The following SPRED1 variants were observed in gnomAD, a reference collection of about 807,000 sequenced individuals.
SPRED1 encodes sprouty-related, EVH1 domain-containing protein 1.
Under a neutral mutation model 52.3 loss-of-function variants are expected in SPRED1, and 18 were observed. The ratio of observed to expected loss-of-function variants is 0.34; its 90% CI spans 0.24 to 0.51. The LOEUF is 0.51. Among genes scored for constraint, SPRED1 ranks in the 20% least tolerant of loss-of-function variants. The pLI is 0.97. For synonymous variants in SPRED1, 155 were observed against 179.7 expected (o/e 0.86, Z 1.10); for missense variants, 485 against 551.0 (o/e 0.88, Z 1.20).
At position 38,353,339 on chromosome 15, in the gene SPRED1, CTTTT is replaced by C. The variant is rs1888536189; in HGVS notation, c.*1679_*1682del. 6.6e-6 allele frequency: 1 copy of C among 152,274 alleles called. No homozygotes were observed. Among genetic ancestry groups the C allele is most frequent in the Admixed American group, 6.6e-5 (1 of 15,262 alleles). The allele number at this position is 152,274 out of a possible 1,614,324, so 9.4% of individuals were successfully genotyped here. On this transcript the variant is annotated 3_prime_UTR_variant, in exon 7 of 7. Transcript: ENST00000299084. ...TATAACACTATCTGTCTGTAAAATA[CTTTT>C]TTTAAGAAAGCATTTATATTTATAT... is the stretch of plus-strand genomic sequence containing the variant.
intron 1 of SPRED1, among the ~76,000 whole-genome samples, chr15:38,279,732 T>C (rs1595722045): frequency 2.0e-5 from 3 of 152,288 alleles, no homozygotes; most frequent in East Asian, 3.9e-4. Flanking sequence ...TACTGAAGTG[T>C]TGAGTGCGTG....
chr15:38,259,097 T>C (rs1323969195), intron 1 of SPRED1, among the ~76,000 whole-genome samples: 9 of 152,172 alleles, frequency 5.9e-5, no homozygotes, highest in Admixed American at 4.6e-4. Context: ...GTAGAAGTGG[T>C]AGGAAGATTA....
intron 1 of SPRED1, among the ~76,000 whole-genome samples, chr15:38,264,658 T>A (rs904709779): frequency 1.3e-5 from 2 of 152,178 alleles, no homozygotes; most frequent in African/African-American, 4.8e-5. Context: ...AGTGCCAGTG[T>A]ATTTAATGTG....
At chr15:38,276,135 T>C (rs2140960543) in intron 1 of SPRED1, among the ~76,000 whole-genome samples, 1 of 152,186 alleles carries the variant, frequency 6.6e-6, no homozygotes, top group South Asian at 2.1e-4. Context: ...ATGCTTGCTA[T>C]GTGTAAGGCA....
In SPRED1 at chr15:38,252,921, T is replaced by C; in HGVS notation, c.-265T>C. 1 of 574,538 alleles carries C rather than the reference T, an allele frequency of 1.7e-6. No homozygotes were observed. 35.6% of individuals were successfully genotyped at this position (574,538 alleles called of 1,614,324 possible). Reference sequence around the variant, plus strand: ...CTTTTTCCCTTTCCACCGGGCCTCCTCGGATCCCTTGGCTGGGCACTGAGG... The same window carrying C: ...CTTTTTCCCTTTCCACCGGGCCTCCCCGGATCCCTTGGCTGGGCACTGAGG... On this transcript the variant is annotated 5_prime_UTR_variant, in exon 1 of 7. Coordinates refer to ENST00000299084, the MANE Select transcript of SPRED1 (RefSeq NM_152594.3).
intron 2 of SPRED1, among the ~76,000 whole-genome samples, chr15:38,307,546 T>A (rs1050959201): frequency 6.6e-6 from 1 of 152,150 alleles, no homozygotes; most frequent in Non-Finnish European, 1.5e-5. Context: ...ACCTTTATCA[T>A]TTCCTCCCTG....
At chr15:38,294,258 A>G (rs955147786) in intron 1 of SPRED1, among the ~76,000 whole-genome samples, 6 of 152,216 alleles carry the variant, frequency 3.9e-5, no homozygotes, top group Non-Finnish European at 7.3e-5. Context: ...TTCTGTCACT[A>G]TAAATATGCC....
At chr15:38,268,395 A>T (rs192256093) in intron 1 of SPRED1, among the ~76,000 whole-genome samples, 1 of 152,258 alleles carries the variant, frequency 6.6e-6, no homozygotes, top group Admixed American at 6.5e-5. Flanking sequence ...TTCAATGGCA[A>T]TGGGTCTCCA....
chr15:38,308,893 A>G (rs549615761), intron 2 of SPRED1, among the ~76,000 whole-genome samples: 2 of 152,216 alleles, frequency 1.3e-5, no homozygotes, highest in East Asian at 3.9e-4. Flanking sequence ...TTGTTAAGAA[A>G]CTGCAAAACT....
At position 38,352,745 on chromosome 15, in the gene SPRED1, A is replaced by G. The variant is rs1315697710; in HGVS notation, c.*1081A>G. ...CCAGAATATGTTCAGCTGTGTTACTAATTTTTCAGCTTAATCCTCAGTGCT... is the reference window on the plus strand; with the variant it reads ...CCAGAATATGTTCAGCTGTGTTACTGATTTTTCAGCTTAATCCTCAGTGCT... On this transcript the variant is annotated 3_prime_UTR_variant, in exon 7 of 7. Coordinates refer to ENST00000299084, the MANE Select transcript of SPRED1 (RefSeq NM_152594.3). 2 of 152,122 alleles carry G rather than the reference A, an allele frequency of 1.3e-5. No individual in the cohort carries two copies. Among genetic ancestry groups the G allele is most frequent in the African/African-American group, 4.8e-5 (2 of 41,448 alleles). The allele number at this position is 152,122 out of a possible 1,614,324, so 9.4% of individuals were successfully genotyped here. A position where few individuals can be genotyped will look rare whatever the true frequency, so the allele number is the denominator to read the frequency against.
intron 1 of SPRED1, among the ~76,000 whole-genome samples, chr15:38,287,172 G>A (rs1422151252): frequency 1.3e-5 from 2 of 152,118 alleles, no homozygotes; most frequent in Non-Finnish European, 2.9e-5. Flanking sequence ...ACAGAAAAAT[G>A]CAACAGAGGT....
At chr15:38,302,217 G>C (rs951274460) in intron 2 of SPRED1, among the ~76,000 whole-genome samples, 1 of 152,024 alleles carries the variant, frequency 6.6e-6, no homozygotes, top group African/African-American at 2.4e-5. Flanking sequence ...TTTAATGAGT[G>C]TTTGTAAGTC....
At chr15:38,289,106 C>T (rs1009805809) in intron 1 of SPRED1, among the ~76,000 whole-genome samples, 7 of 151,842 alleles carry the variant, frequency 4.6e-5, no homozygotes, top group African/African-American at 1.2e-4. Context: ...TGGAATTTTT[C>T]GCTAAAACAA....
intron 5 of SPRED1, among the ~76,000 whole-genome samples, chr15:38,343,761 T>C (rs1050416767): frequency 6.6e-6 from 1 of 152,152 alleles, no homozygotes; most frequent in Non-Finnish European, 1.5e-5. Flanking sequence ...TCATTATTAT[T>C]AATGTTTATC....
At chr15:38,326,660 T>C (rs1409420536) in intron 4 of SPRED1, among the ~76,000 whole-genome samples, 2 of 152,164 alleles carry the variant, frequency 1.3e-5, no homozygotes, top group African/African-American at 2.4e-5. Flanking sequence ...GCTTTTTATC[T>C]AATGGAGTGG....
At chr15:38,336,657 TTC>T (rs200801266) in intron 4 of SPRED1, among the ~76,000 whole-genome samples, 4,573 of 151,920 alleles carry the variant, frequency 0.03, 100 homozygotes, top group Non-Finnish European at 0.043. Flanking sequence ...TTGGAAACTA[TTC>T]TAAGTGAAGC....
intron 5 of SPRED1, among the ~76,000 whole-genome samples, chr15:38,343,617 A>G (rs1359029881): frequency 6.6e-6 from 1 of 152,102 alleles, no homozygotes; most frequent in Admixed American, 6.6e-5. Context: ...AAAAACTTCT[A>G]GATCATCTGG....
At chr15:38,277,814 G>A (rs1356728394) in intron 1 of SPRED1, among the ~76,000 whole-genome samples, 1 of 152,006 alleles carries the variant, frequency 6.6e-6, no homozygotes, top group African/African-American at 2.4e-5. Context: ...TATTCTGCTG[G>A]TGTGAAATGG....
At chr15:38,275,130 G>A (rs6495954) in intron 1 of SPRED1, among the ~76,000 whole-genome samples, 125,626 of 152,150 alleles carry the variant, frequency 0.83, 52,607 homozygotes, top group Non-Finnish European at 0.9. Flanking sequence ...TTCTACTTCC[G>A]TCATTCCTTC....
Sources: allele counts gnomAD v4.1 joint callset (sites outside exome capture counted in the v4.1 genomes callset), GRCh38; gene constraint gnomAD v4.1.1; transcripts MANE v1.5; gene names NCBI Gene and HGNC (gene_info 2026-07-23, HGNC 2026-07-21).